ESRRG: variants seen among roughly 807,000 people sequenced by gnomAD.
The protein encoded by ESRRG is estrogen-related receptor gamma.
A neutral mutation model predicts 44.0 loss-of-function variants in ESRRG; 13 were observed. The observed-to-expected ratio is 0.30, with a 90% CI of 0.19 to 0.47. The LOEUF is 0.47. Ranked by LOEUF, ESRRG falls within the 20% of genes least tolerant of loss-of-function variation. The pLI is 1.00. For missense variants in ESRRG, 395 were observed against 580.6 expected, an observed-to-expected ratio of 0.68 and a Z score of 3.29; for synonymous variants, 215 against 214.6, an observed-to-expected ratio of 1.00 and a Z score of -0.02.
At chr1:216,570,134 C>T (rs1313506336) in intron 3 of ESRRG, among the ~76,000 whole-genome samples, 1 of 152,168 alleles carries the variant, frequency 6.6e-6, no homozygotes, top group Non-Finnish European at 1.5e-5. Context: ...TTTAGGAGAA[C>T]ACACAAATAC....
chr1:216,805,259 T>C (rs2094751355), intron 2 of ESRRG: 1 of 152,184 alleles, frequency 6.6e-6, no homozygotes, highest in South Asian at 2.1e-4. Context: ...ACTAATTTCC[T>C]ACTTCACCAA....
chr1:216,707,412 A>G (rs531289758), intron 1 of ESRRG: 92 of 1,535,812 alleles, frequency 6.0e-5, no homozygotes, highest in Non-Finnish European at 7.2e-5. Flanking sequence ...CAAGACCCCA[A>G]TCACATTCTC....
chr1:217,102,392 T>A lies in ESRRG; in HGVS notation c.-230+35275A>T, dbSNP rs1224755792. On this transcript the variant is annotated intron_variant, in intron 1 of 8. Transcript: ENST00000366940. ...AAATAATAATAATTAATATGTGTTA[T>A]CAATACAACATATTCTCATGATAAT... 2.0e-5 allele frequency among the ~76,000 whole-genome samples: 3 copies of A among 152,182 alleles called. No homozygotes were observed. The East Asian group carries it at 5.8e-4, about 29-fold the overall frequency.
chr1:216,890,904 C>T (rs1166774820), intron 2 of ESRRG, among the ~76,000 whole-genome samples: 1 of 152,152 alleles, frequency 6.6e-6, no homozygotes, highest in Non-Finnish European at 1.5e-5. Flanking sequence ...TATGCAAAAT[C>T]GTCCATTTAA....
In ESRRG at chr1:216,667,317, T is replaced by C. The variant is rs537133402; in HGVS notation, c.472+9759A>G. Among the ~76,000 whole-genome samples the C allele has an allele frequency of 9.4e-4, 143 of 152,298 alleles. 1 individual carries two copies. The Middle Eastern group carries it at 0.014, about 14-fold the overall frequency. ...TTTTTTTGGATTCTAACATAGGCCA[T>C]ATCACACAGTAGAATCCATGAAATA... On this transcript the variant is annotated intron_variant, in intron 2 of 6. Transcript: ENST00000408911.
At chr1:216,702,375 C>T (rs2081536346) in intron 1 of ESRRG, among the ~76,000 whole-genome samples, 1 of 152,090 alleles carries the variant, frequency 6.6e-6, no homozygotes, top group Admixed American at 6.5e-5. Flanking sequence ...TACTAAGTTT[C>T]AGTTCCCATT....
chr1:217,092,261 T>C (rs1373166354), upstream of ESRRG, among the ~76,000 whole-genome samples: 14 of 152,228 alleles, frequency 9.2e-5, no homozygotes. Context: ...TTAATATTGT[T>C]GGAGCATGTT....
rs772293784 is a variant in ESRRG, at chr1:216,677,058, C to G, written c.472+18G>C. Reference sequence around the variant, plus strand: ...TGAGGTTGGAAGTGGGGAGAGTATTCCCAGGTCCGACACTAACCTTGAATT... The same window carrying G: ...TGAGGTTGGAAGTGGGGAGAGTATTGCCAGGTCCGACACTAACCTTGAATT... On this transcript the variant is annotated intron_variant, in intron 2 of 6. Transcript: ENST00000408911. The G allele has an allele frequency of 6.2e-7, 1 of 1,602,112 alleles. No homozygotes were observed. The highest frequency in any genetic ancestry group is 8.5e-7 in the Non-Finnish European group (1 of 1,170,932).
At chr1:216,551,640 G>A (rs980058310) in intron 5 of ESRRG, among the ~76,000 whole-genome samples, 1 of 152,138 alleles carries the variant, frequency 6.6e-6, no homozygotes, top group South Asian at 2.1e-4. Flanking sequence ...ATTAAAACCC[G>A]TGGATTATTC....
intron 1 of ESRRG, among the ~76,000 whole-genome samples, chr1:217,112,310 T>C (rs547984224): frequency 6.6e-6 from 1 of 152,260 alleles, no homozygotes; most frequent in Non-Finnish European, 1.5e-5. Flanking sequence ...TCTACAACAA[T>C]GGCTTTGGGA....
intron 1 of ESRRG, among the ~76,000 whole-genome samples, chr1:217,054,714 A>T (rs1290682243): frequency 6.6e-6 from 1 of 152,180 alleles, no homozygotes. Flanking sequence ...CCTGGCAATA[A>T]AATACTACGC....
At chr1:216,576,331 G>A (rs1366923832) in intron 3 of ESRRG, among the ~76,000 whole-genome samples, 2 of 91,218 alleles carry the variant, frequency 2.2e-5, no homozygotes, top group African/African-American at 8.9e-5. Context: ...ATATCCATTA[G>A]GAGGGCTTTT....
chr1:217,130,011 A>G (rs1418011252), intron 1 of ESRRG, among the ~76,000 whole-genome samples: 3 of 152,118 alleles, frequency 2.0e-5, no homozygotes, highest in Non-Finnish European at 2.9e-5. Flanking sequence ...ATTAACTTGA[A>G]CCCCCAGCAG....
At chr1:216,524,863 G>A (rs2047155067) in intron 5 of ESRRG, among the ~76,000 whole-genome samples, 1 of 152,168 alleles carries the variant, frequency 6.6e-6, no homozygotes, top group Non-Finnish European at 1.5e-5. Context: ...AAGCAGTTGT[G>A]AGGAACTAAA....
At chr1:217,102,425 T>G (rs903302428) in intron 1 of ESRRG, among the ~76,000 whole-genome samples, 15 of 152,222 alleles carry the variant, frequency 9.9e-5, no homozygotes, top group Admixed American at 8.5e-4. Flanking sequence ...AATCTTATGA[T>G]GTACATGCTG....
chr1:217,090,702 C>T (rs2092328745), upstream of ESRRG, among the ~76,000 whole-genome samples: 2 of 152,158 alleles, frequency 1.3e-5, no homozygotes, highest in South Asian at 4.1e-4. Context: ...ACTCGACTGA[C>T]ACATCATAAA....
chr1:216,872,523 A>T lies in ESRRG; in HGVS notation c.-14+67059T>A, dbSNP rs12025927. 5.3e-3 allele frequency among the ~76,000 whole-genome samples: 799 copies of T among 152,132 alleles called. 15 individuals carry two copies. In the East Asian group the frequency reaches 0.071, roughly 13 times the overall value. ...GGTTTTTCTCTGTTTATCAGATTGG[A>T]TAATTTCTACTGATTTATTTTCGAG... On this transcript the variant is annotated intron_variant, in intron 2 of 7. Coordinates refer to the ESRRG transcript ENST00000359162.
At chr1:216,894,849 G>C (rs1381500622) in intron 2 of ESRRG, among the ~76,000 whole-genome samples, 6 of 152,108 alleles carry the variant, frequency 3.9e-5, no homozygotes, top group African/African-American at 1.4e-4. Flanking sequence ...TAATGAAGTA[G>C]TATACAGCTG....
Position 216,505,715 on chromosome 1 carries a change from C to G in ESRRG, c.*1224G>C, listed in dbSNP as rs2041078182. ...GTAGGTGTAATCTCATCCTTTGTGT[C>G]AGTGAACATTTAGGTAAACTGGAGC... On this transcript the variant is annotated 3_prime_UTR_variant, in exon 7 of 7. Transcript: ENST00000408911. 6.6e-6 allele frequency: 1 copy of G among 152,486 alleles called. No individual in the cohort carries two copies. The highest frequency in any genetic ancestry group is 1.5e-5 in the Non-Finnish European group (1 of 68,030). 9.4% of individuals were successfully genotyped at this position (152,486 alleles called of 1,614,324 possible).
Sources: allele counts gnomAD v4.1 joint callset (sites outside exome capture counted in the v4.1 genomes callset), GRCh38; gene constraint gnomAD v4.1.1; transcripts MANE v1.5; gene names NCBI Gene and HGNC (gene_info 2026-07-23, HGNC 2026-07-21).